HMGN5: variants seen among roughly 807,000 people sequenced by gnomAD.
HMGN5 encodes high mobility group nucleosome binding domain 5.
HMGN5 carries 4 observed loss-of-function variants against 9.5 expected under a neutral mutation model. The ratio of observed to expected loss-of-function variants is 0.42; its 90% CI spans 0.21 to 0.96. The LOEUF (loss-of-function observed/expected upper bound fraction) is 0.96. Among genes scored for constraint, HMGN5 ranks in the 40% least tolerant of loss-of-function variants. HMGN5 has a pLI of 0.30. For synonymous variants in HMGN5, 55 were observed against 57.1 expected, an observed-to-expected ratio of 0.96 and a Z score of 0.16; for missense variants, 192 against 187.5, an observed-to-expected ratio of 1.02 and a Z score of -0.14.
chrX:81,131,093 A>G (rs776170730), intron 1 of HMGN5, among the ~76,000 whole-genome samples: 1 of 111,546 alleles, frequency 9.0e-6, no homozygotes, highest in Non-Finnish European at 1.9e-5. Flanking sequence ...ATTTTTGAGA[A>G]CACAGATTTT....
rs768134019 is a variant in HMGN5 at position 81,145,568 on chromosome X, C to A, written c.-123-23896G>T. On this transcript the variant is annotated intron_variant, in intron 1 of 6. Transcript: ENST00000358130. ...AAACATACCAAATTGTAAAGACCAT[C>A]GACGCTATGAAGAAACTGCATCAAC... Among the ~76,000 whole-genome samples the A allele has an allele frequency of 3.6e-5, 4 of 111,817 alleles. No homozygotes were observed. The East Asian group carries it at 1.1e-3, about 31-fold the overall frequency.
At chrX:81,176,138 CAG>C (rs1229670426) in intron 1 of HMGN5, among the ~76,000 whole-genome samples, 1 of 111,758 alleles carries the variant, frequency 8.9e-6, no homozygotes, top group African/African-American at 3.3e-5. Context: ...GCCAGGCAAA[CAG>C]GGTCTGGAGT....
chrX:81,200,335 T>G (rs2075522166), intron 1 of HMGN5, among the ~76,000 whole-genome samples: 1 of 112,074 alleles, frequency 8.9e-6, no homozygotes, highest in African/African-American at 3.2e-5. Context: ...GAAATGTCAT[T>G]TGACCCAGCA....
At chrX:81,152,516 G>C (rs2075366455) in intron 1 of HMGN5, among the ~76,000 whole-genome samples, 1 of 110,047 alleles carries the variant, frequency 9.1e-6, no homozygotes, top group Non-Finnish European at 1.9e-5. Flanking sequence ...AGAGGATGTG[G>C]AGAAATAGGA....
At chrX:81,193,166 T>C (rs954923889) in intron 1 of HMGN5, among the ~76,000 whole-genome samples, 1 of 111,490 alleles carries the variant, frequency 9.0e-6, no homozygotes, top group African/African-American at 3.3e-5. Context: ...GGAGAAATGA[T>C]GCTATGTGAC....
At chrX:81,153,298 A>T (rs2075370222) in intron 1 of HMGN5, among the ~76,000 whole-genome samples, 1 of 107,585 alleles carries the variant, frequency 9.3e-6, no homozygotes, top group South Asian at 4.2e-4. Flanking sequence ...CACACCTGTA[A>T]TCCCAGCACT....
At chrX:81,156,672 G>A (rs2075383885) in intron 1 of HMGN5, among the ~76,000 whole-genome samples, 1 of 111,617 alleles carries the variant, frequency 9.0e-6, no homozygotes, top group Admixed American at 9.6e-5. Flanking sequence ...GCTCCATAGG[G>A]CAAGGATTTT....
At chrX:81,148,264 T>C (rs2075350967) in intron 1 of HMGN5, among the ~76,000 whole-genome samples, 1 of 111,929 alleles carries the variant, frequency 8.9e-6, no homozygotes, top group Non-Finnish European at 1.9e-5. Flanking sequence ...AACAGCATGG[T>C]ACTGGTACCA....
intron 1 of HMGN5, among the ~76,000 whole-genome samples, chrX:81,154,545 C>T (rs907833948): frequency 9.0e-6 from 1 of 110,833 alleles, no homozygotes; most frequent in East Asian, 2.9e-4. Context: ...AGCTTTTGCA[C>T]AGCAAAAGAA....
intron 1 of HMGN5, among the ~76,000 whole-genome samples, chrX:81,140,429 G>A (rs1438366922): frequency 4.6e-5 from 5 of 109,599 alleles, no homozygotes; most frequent in Non-Finnish European, 9.5e-5. Context: ...GCATGGTGGC[G>A]GGCGCCTGTA....
chrX:81,121,413 A>T, intron 2 of HMGN5, 122 bp downstream of exon 2: 1 of 697,261 alleles, frequency 1.4e-6, no homozygotes, highest in African/African-American at 2.1e-5. Context: ...CCGTTTCATT[A>T]CATCACAAAA....
chrX:81,181,339 G>A (rs1424731982), intron 1 of HMGN5, among the ~76,000 whole-genome samples: 1 of 110,900 alleles, frequency 9.0e-6, no homozygotes, highest in Non-Finnish European at 1.9e-5. Flanking sequence ...TACATAGTAT[G>A]TGCATATATT....
chrX:81,186,358 G>A lies in HMGN5; in HGVS notation c.-124+15379C>T, dbSNP rs751595265. On this transcript the variant is annotated intron_variant, in intron 1 of 6. Transcript: ENST00000358130. ...ACCTTGGTAACTTGTATTTGTGTAGGAATTCATCCATTTCTTCTAGATTTT... is the reference window on the plus strand; with the variant it reads ...ACCTTGGTAACTTGTATTTGTGTAGAAATTCATCCATTTCTTCTAGATTTT... 4.5e-5 allele frequency among the ~76,000 whole-genome samples: 5 copies of A among 111,803 alleles called. No individual in the cohort carries two copies. The East Asian group carries it at 1.4e-3, about 31-fold the overall frequency.
chrX:81,117,210 A>C (rs1228317849), intron 5 of HMGN5, among the ~76,000 whole-genome samples: 1 of 108,332 alleles, frequency 9.2e-6, no homozygotes, highest in Admixed American at 9.9e-5. Context: ...ATGGTTATAT[A>C]GTATATGTTT....
At chrX:81,134,090 A>G (rs12387755) in intron 1 of HMGN5, among the ~76,000 whole-genome samples, 1,428 of 111,582 alleles carry the variant, frequency 0.013, 20 homozygotes, top group African/African-American at 0.044. Flanking sequence ...ATTTAGATCT[A>G]GCAAAAAAAG....
At chrX:81,153,469 G>T (rs1602569162) in intron 1 of HMGN5, among the ~76,000 whole-genome samples, 1 of 98,446 alleles carries the variant, frequency 1.0e-5, no homozygotes, top group African/African-American at 3.7e-5. Context: ...CACAAGAATT[G>T]CTTGAACCTG....
intron 1 of HMGN5, among the ~76,000 whole-genome samples, chrX:81,166,014 C>G (rs2075410139): frequency 9.0e-6 from 1 of 110,799 alleles, no homozygotes; most frequent in African/African-American, 3.3e-5. Context: ...AATTCTCTCT[C>G]TGTGTGGGGG....
At chrX:81,151,573 C>T (rs1292428352) in intron 1 of HMGN5, among the ~76,000 whole-genome samples, 2 of 110,905 alleles carry the variant, frequency 1.8e-5, no homozygotes, top group Non-Finnish European at 1.9e-5. Context: ...ATTCTTCCTA[C>T]CCATGAGCAT....
At chrX:81,198,548 C>T (rs1024189075) in intron 1 of HMGN5, among the ~76,000 whole-genome samples, 1 of 111,704 alleles carries the variant, frequency 9.0e-6, no homozygotes, top group Non-Finnish European at 1.9e-5. Flanking sequence ...TTGGCTTCAT[C>T]CCTGGGATGC....
Sources: allele counts gnomAD v4.1 joint callset (sites outside exome capture counted in the v4.1 genomes callset), GRCh38; gene constraint gnomAD v4.1.1; transcripts MANE v1.5; gene names NCBI Gene and HGNC (gene_info 2026-07-23, HGNC 2026-07-21).